The following RANBP2 variants were observed in gnomAD, a reference collection of about 807,000 sequenced individuals.
RANBP2 encodes E3 SUMO-protein ligase RanBP2.
RANBP2 carries 57 observed loss-of-function variants against 303.6 expected under a neutral mutation model. That is an observed-to-expected ratio of 0.19 (90% CI 0.15 to 0.23). RANBP2 has a LOEUF of 0.23. Ranked by LOEUF, RANBP2 falls within the 10% of genes least tolerant of loss-of-function variation. The pLI is 1.00. For missense variants in RANBP2, 3,138 were observed against 3,780.8 expected (o/e 0.83, Z 4.46); for synonymous variants, 1,167 against 1,301.5 (o/e 0.90, Z 2.23).
chr2:109,239,206 G>A, the RANBP2 span, among the ~76,000 whole-genome samples: 47 of 152,136 alleles, frequency 3.1e-4, 2 homozygotes, highest in South Asian at 5.4e-3. Flanking sequence ...ACAGTGCTCC[G>A]AAAAGAGCTG....
the RANBP2 span, among the ~76,000 whole-genome samples, chr2:109,227,916 G>A: frequency 1.3e-5 from 2 of 152,320 alleles, no homozygotes; most frequent in South Asian, 2.1e-4. Flanking sequence ...GATGGTGACC[G>A]TCATTCCTGA....
the RANBP2 span, among the ~76,000 whole-genome samples, chr2:109,562,434 A>G: frequency 6.6e-6 from 1 of 151,166 alleles, no homozygotes; most frequent in Non-Finnish European, 1.5e-5. Context: ...CAGAGACTCT[A>G]CACAAGCAGG....
chr2:109,375,982 G>C, the RANBP2 span, among the ~76,000 whole-genome samples: 1 of 152,238 alleles, frequency 6.6e-6, no homozygotes, highest in African/African-American at 2.4e-5. Context: ...CTGAGCCTCA[G>C]TTTCCCCCTT....
the RANBP2 span, among the ~76,000 whole-genome samples, chr2:109,439,217 C>T: frequency 1.2e-4 from 18 of 152,140 alleles, no homozygotes; most frequent in Admixed American, 1.1e-3. Context: ...GAGGGTGCCA[C>T]GAGCATTCTC....
At chr2:108,844,291 A>C in the RANBP2 span, among the ~76,000 whole-genome samples, 3 of 152,020 alleles carry the variant, frequency 2.0e-5, no homozygotes, top group Non-Finnish European at 1.5e-5. Flanking sequence ...GCAGTTGTTC[A>C]GGTTGGGTGT....
At chr2:108,854,094 A>ATATAT in the RANBP2 span, among the ~76,000 whole-genome samples, 1 of 133,154 alleles carries the variant, frequency 7.5e-6, no homozygotes. Flanking sequence ...AATTTATATT[A>ATATAT]TATATATAAT....
the RANBP2 span, among the ~76,000 whole-genome samples, chr2:109,379,463 A>G: frequency 2.0e-5 from 3 of 152,128 alleles, no homozygotes; most frequent in Non-Finnish European, 2.9e-5. Flanking sequence ...TGTTCCCTAC[A>G]CTTCTGCTGA....
the RANBP2 span, among the ~76,000 whole-genome samples, chr2:108,942,446 G>C: frequency 6.6e-6 from 1 of 152,352 alleles, no homozygotes; most frequent in Admixed American, 6.5e-5. Flanking sequence ...GCATGGACTT[G>C]GTTTCATCCC....
the RANBP2 span, among the ~76,000 whole-genome samples, chr2:109,426,976 ATATT>A: frequency 2.8e-5 from 3 of 108,080 alleles, no homozygotes; most frequent in African/African-American, 4.0e-5. Flanking sequence ...ATATATATAT[ATATT>A]TTTTTTTGAG....
chr2:109,711,645 C>T, the RANBP2 span, among the ~76,000 whole-genome samples: 1 of 152,210 alleles, frequency 6.6e-6, no homozygotes, highest in Non-Finnish European at 1.5e-5. Flanking sequence ...CTGGCCTGGC[C>T]TGCCCTCCAA....
chr2:109,475,711 C>G, the RANBP2 span, among the ~76,000 whole-genome samples: 1 of 152,228 alleles, frequency 6.6e-6, no homozygotes, highest in Non-Finnish European at 1.5e-5. Context: ...GCTGCTGCAC[C>G]CCAGCTGTGA....
chr2:109,037,323 CAA>C, the RANBP2 span, among the ~76,000 whole-genome samples: 41 of 54,334 alleles, frequency 7.5e-4, no homozygotes, highest in African/African-American at 2.2e-3. Context: ...GACCATGTCT[CAA>C]AAAAAAAAAA....
the RANBP2 span, chr2:109,398,964 G>A: frequency 6.3e-6 from 10 of 1,596,292 alleles, no homozygotes; most frequent in Non-Finnish European, 8.5e-6. Context: ...GCGGGCCAGG[G>A]CAGGCATCCC....
chr2:109,404,952 C>G, the RANBP2 span, among the ~76,000 whole-genome samples: 1 of 151,984 alleles, frequency 6.6e-6, no homozygotes, highest in South Asian at 2.1e-4. Flanking sequence ...CAGTGGAGCC[C>G]CGTCCTGGCC....
the RANBP2 span, among the ~76,000 whole-genome samples, chr2:108,822,182 A>G: frequency 7.2e-5 from 11 of 152,282 alleles, 2 homozygotes; most frequent in African/African-American, 2.6e-4. Flanking sequence ...GACAAAATAT[A>G]CTTTACGTCA....
At chr2:109,629,235 T>TAAAAAATAAA in the RANBP2 span, among the ~76,000 whole-genome samples, 2 of 138,078 alleles carry the variant, frequency 1.4e-5, no homozygotes. Context: ...AATAAATAAA[T>TAAAAAATAAA]AAAATGCTTA....
the RANBP2 span, among the ~76,000 whole-genome samples, chr2:109,041,933 A>G: frequency 6.6e-6 from 1 of 152,154 alleles, no homozygotes; most frequent in African/African-American, 2.4e-5. Context: ...GTGGTGAATT[A>G]CAATGTTTGT....
the RANBP2 span, among the ~76,000 whole-genome samples, chr2:109,732,302 T>C: frequency 6.6e-6 from 1 of 152,056 alleles, no homozygotes; most frequent in African/African-American, 2.4e-5. Context: ...TGTGGAAAAA[T>C]GTACGTTGGG....
the RANBP2 span, among the ~76,000 whole-genome samples, chr2:109,172,379 G>A: frequency 1.3e-5 from 2 of 152,220 alleles, no homozygotes; most frequent in African/African-American, 4.8e-5. Flanking sequence ...GAGCTCAGCC[G>A]TCCTCTCCCT....
Sources: allele counts gnomAD v4.1 joint callset (sites outside exome capture counted in the v4.1 genomes callset), GRCh38; gene constraint gnomAD v4.1.1; transcripts MANE v1.5; gene names NCBI Gene and HGNC (gene_info 2026-07-23, HGNC 2026-07-21).